Variants in KCNAB1 observed in about 807,000 individuals in gnomAD.
KCNAB1 encodes potassium voltage-gated channel subfamily A regulatory beta subunit 1, also known as voltage-gated potassium channel subunit beta-1.
Under a neutral mutation model 64.6 loss-of-function variants are expected in KCNAB1, and 35 were observed. The observed-to-expected ratio is 0.54, with a 90% CI of 0.41 to 0.72. The LOEUF (loss-of-function observed/expected upper bound fraction) is 0.72. KCNAB1 is among the 30% of genes least tolerant of loss of function. The pLI is 0.00. For missense variants in KCNAB1, 401 were observed against 512.9 expected (o/e 0.78, Z 2.11); for synonymous variants, 177 against 183.8 (o/e 0.96, Z 0.30).
At chr3:156,486,529 TG>T (rs1715228847) in intron 8 of KCNAB1, among the ~76,000 whole-genome samples, 1 of 152,118 alleles carries the variant, frequency 6.6e-6, no homozygotes, top group Admixed American at 6.6e-5. Flanking sequence ...GGGAGCATAG[TG>T]GCCTAGGAGC....
intron 1 of KCNAB1, among the ~76,000 whole-genome samples, chr3:156,391,001 G>C (rs554653332): frequency 6.6e-6 from 1 of 152,260 alleles, no homozygotes; most frequent in Non-Finnish European, 1.5e-5. Context: ...CATTAAGTCA[G>C]AACTCCAGTT....
At chr3:156,398,170 T>C (rs189875681) in intron 1 of KCNAB1, among the ~76,000 whole-genome samples, 153 of 151,800 alleles carry the variant, frequency 1.0e-3, no homozygotes, top group Non-Finnish European at 8.8e-5. Flanking sequence ...CACTCATAAG[T>C]GAGAGTTAAA....
At chr3:156,366,812 A>G (rs1029498195) in intron 1 of KCNAB1, among the ~76,000 whole-genome samples, 1 of 152,224 alleles carries the variant, frequency 6.6e-6, no homozygotes, top group Non-Finnish European at 1.5e-5. Context: ...CAGGGAAACC[A>G]CTTTGCTCAA....
chr3:156,147,708 C>T (rs972288879), intron 1 of KCNAB1, among the ~76,000 whole-genome samples: 1 of 152,094 alleles, frequency 6.6e-6, no homozygotes, highest in Non-Finnish European at 1.5e-5. Context: ...TAGAGAAACT[C>T]TTGGAATTCT....
At chr3:156,462,250 C>A (rs763289009) in intron 5 of KCNAB1, among the ~76,000 whole-genome samples, 2 of 152,216 alleles carry the variant, frequency 1.3e-5, no homozygotes, top group Non-Finnish European at 2.9e-5. Context: ...ATGTGCATAT[C>A]CATATAGGCC....
intron 3 of KCNAB1, among the ~76,000 whole-genome samples, chr3:156,455,566 A>AT (rs772007551): frequency 9.0e-6 from 1 of 111,382 alleles, no homozygotes; most frequent in Non-Finnish European, 1.8e-5. Flanking sequence ...TTTTATTTAC[A>AT]TTTTTTTATC....
In KCNAB1 at chr3:156,120,677, A is replaced by T. The variant is rs1713284749; in HGVS notation, c.66A>T (p.Arg22Ser). The T allele has an allele frequency of 6.2e-7, 1 of 1,614,102 alleles. No individual in the cohort carries two copies. Among genetic ancestry groups the T allele is most frequent in the African/African-American group, 1.3e-5 (1 of 74,920 alleles). ...QISEENTKLR[R>S]QSGFSVAGKD... The stretch of plus-strand genomic sequence containing the variant: ...CAGAGGAGAACACCAAGTTAAGGAG[A>T]CAGTCTGGGTTTTCTGTAGCAGGGA... Residue 22 changes from arginine to serine, a missense_variant, in exon 1 of 14, where the codon AGA (arginine) becomes AGT (serine). Physicochemically the swap from Arg to Ser is moderately radical, Grantham distance 110. Coordinates refer to ENST00000490337, the MANE Select transcript of KCNAB1 (RefSeq NM_172160.3).
At chr3:156,391,039 T>C (rs2108168808) in intron 1 of KCNAB1, among the ~76,000 whole-genome samples, 1 of 152,278 alleles carries the variant, frequency 6.6e-6, no homozygotes, top group East Asian at 1.9e-4. Context: ...TTCTGATACT[T>C]ATCTGGCAGG....
At chr3:156,399,896 C>T (rs1713761060) in intron 1 of KCNAB1, among the ~76,000 whole-genome samples, 1 of 152,224 alleles carries the variant, frequency 6.6e-6, no homozygotes, top group Non-Finnish European at 1.5e-5. Flanking sequence ...CACCATAACT[C>T]TTCCTTTGGA....
At chr3:156,529,192 G>A (rs1718524873) in intron 12 of KCNAB1, among the ~76,000 whole-genome samples, 1 of 152,100 alleles carries the variant, frequency 6.6e-6, no homozygotes, top group African/African-American at 2.4e-5. Flanking sequence ...AGTGCAACAC[G>A]GAAAAACCTA....
intron 8 of KCNAB1, among the ~76,000 whole-genome samples, chr3:156,509,375 GTGCTGCTGCTGCTGC>G (rs67594426): frequency 4.6e-5 from 7 of 150,942 alleles, no homozygotes; most frequent in African/African-American, 1.5e-4. Flanking sequence ...AAGTTTCCAG[GTGCTGCTGCTGCTGC>G]TGCTGCTGCT....
chr3:156,373,652 A>G (rs1369846283), intron 1 of KCNAB1, among the ~76,000 whole-genome samples: 1 of 152,190 alleles, frequency 6.6e-6, no homozygotes, highest in Non-Finnish European at 1.5e-5. Context: ...AAGATAAGCT[A>G]TGTTTTCAGT....
intron 1 of KCNAB1, among the ~76,000 whole-genome samples, chr3:156,391,565 T>A (rs1356335894): frequency 6.6e-6 from 1 of 152,230 alleles, no homozygotes; most frequent in African/African-American, 2.4e-5. Context: ...GGAGCTGTCT[T>A]TGAAATTGCT....
chr3:156,364,349 C>T (rs1346043698), intron 1 of KCNAB1, among the ~76,000 whole-genome samples: 4 of 152,190 alleles, frequency 2.6e-5, no homozygotes, highest in African/African-American at 9.7e-5. Flanking sequence ...ATTCTCTCTT[C>T]AGACCTCAGC....
chr3:156,341,278 G>T (rs988639317), intron 1 of KCNAB1, among the ~76,000 whole-genome samples: 2 of 152,162 alleles, frequency 1.3e-5, no homozygotes, highest in Non-Finnish European at 2.9e-5. Flanking sequence ...CCTCAAATGA[G>T]AGCAACATAC....
intron 1 of KCNAB1, among the ~76,000 whole-genome samples, chr3:156,158,746 G>A (rs908552769): frequency 2.0e-5 from 3 of 152,152 alleles, no homozygotes; most frequent in Non-Finnish European, 4.4e-5. Flanking sequence ...TGGGTCTGTG[G>A]CAGCTTCAAG....
At chr3:156,222,491 C>T (rs1306596508) in intron 1 of KCNAB1, among the ~76,000 whole-genome samples, 1 of 152,162 alleles carries the variant, frequency 6.6e-6, no homozygotes, top group East Asian at 1.9e-4. Flanking sequence ...GGGACTCTAA[C>T]ACTCCACTGA....
chr3:156,450,947 CT>C (rs1711955157), intron 2 of KCNAB1, among the ~76,000 whole-genome samples: 1 of 139,556 alleles, frequency 7.2e-6, no homozygotes. Context: ...TTTTCCTCTT[CT>C]TTTTACACTA....
chr3:156,411,858 C>CT (rs1714688709), intron 1 of KCNAB1, among the ~76,000 whole-genome samples: 2 of 152,138 alleles, frequency 1.3e-5, no homozygotes, highest in Admixed American at 1.3e-4. Context: ...TTTTGAATAT[C>CT]TGAGTTCTTT....
Sources: gnomAD v4.1 joint callset for allele counts (sites outside exome capture counted in the v4.1 genomes callset) on GRCh38, gnomAD v4.1.1 for gene constraint, MANE v1.5 for transcripts, NCBI Gene and HGNC (gene_info 2026-07-23, HGNC 2026-07-21) for gene names.